Variants in FAM151B observed in about 807,000 individuals in gnomAD.
FAM151B encodes family with sequence similarity 151 member B, also known as protein FAM151B.
FAM151B carries 24 observed loss-of-function variants against 31.2 expected under a neutral mutation model. The ratio of observed to expected loss-of-function variants is 0.77; its 90% confidence interval spans 0.56 to 1.08. FAM151B has a LOEUF of 1.08. Among genes scored for constraint, FAM151B ranks in the 50% least tolerant of loss-of-function variants. The probability of loss-of-function intolerance (pLI) is 0.00; values close to 1 mark genes in which losing one functional copy is unlikely to be tolerated. For synonymous variants in FAM151B, 105 were observed against 111.4 expected (o/e 0.94, Z 0.36); for missense variants, 293 against 328.6 (o/e 0.89, Z 0.84).
At chr5:80,515,302 C>G (rs987975569) in intron 3 of FAM151B, among the ~76,000 whole-genome samples, 1 of 152,054 alleles carries the variant, frequency 6.6e-6, no homozygotes, top group Non-Finnish European at 1.5e-5. Context: ...ATCAATGGTT[C>G]AATTTCATTT....
intron 1 of FAM151B, chr5:80,500,666 C>T (rs537018870): frequency 5.4e-5 from 42 of 772,522 alleles, no homozygotes; most frequent in African/African-American, 1.2e-4. Flanking sequence ...GCAGCTTCTT[C>T]GCCTTCATCA....
Position 80,538,448 on chromosome 5 carries a change from C to CTTTCTTTCTTTCTCTT in FAM151B, c.672-3224_672-3223insTTCTTTCTTTCTCTTT, listed in dbSNP as rs1235874356. Among the ~76,000 whole-genome samples the CTTTCTTTCTTTCTCTT allele has an allele frequency of 4.9e-4, 24 of 49,354 alleles. 1 individual carries two copies. The highest frequency in any genetic ancestry group is 1.3e-3 in the East Asian group (2 of 1,596). The allele number at this position is 49,354 out of a possible 152,430, so 32.4% of individuals were successfully genotyped here. On this transcript the variant is annotated intron_variant, in intron 5 of 5. Transcript: ENST00000282226. Reference sequence around the variant, plus strand: ...TCTTTCTTTCTTTCTTTCTTTCTTTCTCTTTCTTTCTTTCTTTCTTTCTTT... The same window carrying CTTTCTTTCTTTCTCTT: ...TCTTTCTTTCTTTCTTTCTTTCTTTCTTTCTTTCTTTCTCTTTCTTTCTTTCTTTCTTTCTTTCTTT...
chr5:80,503,709 T>C (rs1743836655), intron 2 of FAM151B, among the ~76,000 whole-genome samples: 1 of 152,186 alleles, frequency 6.6e-6, no homozygotes, highest in African/African-American at 2.4e-5. Flanking sequence ...TAATAGTATA[T>C]ACAAAGCCCT....
At chr5:80,527,324 G>A (rs1022411158) in intron 5 of FAM151B, among the ~76,000 whole-genome samples, 1 of 152,088 alleles carries the variant, frequency 6.6e-6, no homozygotes, top group African/African-American at 2.4e-5. Flanking sequence ...TCAGGACGCT[G>A]AGGCAGGAGA....
At chr5:80,507,787 C>T (rs1169168229) in intron 2 of FAM151B, among the ~76,000 whole-genome samples, 1 of 152,220 alleles carries the variant, frequency 6.6e-6, no homozygotes, top group Non-Finnish European at 1.5e-5. Flanking sequence ...TGGCCTGTGT[C>T]TCCAAGTCCA....
intron 5 of FAM151B, among the ~76,000 whole-genome samples, chr5:80,534,036 C>A (rs192850310): frequency 6.6e-6 from 1 of 152,212 alleles, no homozygotes; most frequent in East Asian, 1.9e-4. Context: ...TAGAGTCATA[C>A]AACCAACCAA....
intron 2 of FAM151B, among the ~76,000 whole-genome samples, chr5:80,506,481 T>C (rs1743970425): frequency 1.3e-5 from 2 of 152,194 alleles, no homozygotes; most frequent in Non-Finnish European, 2.9e-5. Context: ...TTTGAGATGA[T>C]AAATCTACTA....
chr5:80,534,427 C>G lies in FAM151B; in HGVS notation c.672-7246C>G, dbSNP rs937455114. ...TTCATCATGACCAAGTGGGATTTAT[C>G]CGAGGGATGAAAGGATGGTTCAACA... On this transcript the variant is annotated intron_variant, in intron 5 of 5. Coordinates refer to ENST00000282226, the MANE Select transcript of FAM151B (RefSeq NM_205548.3). Among the ~76,000 whole-genome samples the G allele has an allele frequency of 2.6e-5, 4 of 152,080 alleles. No homozygotes were observed. In the South Asian group the frequency reaches 8.3e-4, roughly 31 times the overall value.
At chr5:80,510,267 A>C (rs1744132040) in intron 2 of FAM151B, among the ~76,000 whole-genome samples, 1 of 152,038 alleles carries the variant, frequency 6.6e-6, no homozygotes, top group African/African-American at 2.4e-5. Context: ...TTCTAAAATG[A>C]CCTCACTCAT....
intron 1 of FAM151B, among the ~76,000 whole-genome samples, chr5:80,489,952 C>A (rs1306388660): frequency 6.7e-6 from 1 of 150,092 alleles, no homozygotes; most frequent in Non-Finnish European, 1.5e-5. Context: ...AATTTCTTCT[C>A]ATTACCGAGT....
At chr5:80,495,231 T>G (rs542582078) in intron 1 of FAM151B, 1 of 152,248 alleles carries the variant, frequency 6.6e-6, no homozygotes, top group Non-Finnish European at 1.5e-5. Context: ...GCAAAGAGAT[T>G]GATGCTGTTT....
chr5:80,519,858 G>C lies in FAM151B; in HGVS notation c.483G>C (p.Val161=), dbSNP rs1440709929. The C allele has an allele frequency of 6.2e-7, 1 of 1,614,112 alleles. No individual in the cohort carries two copies. The highest frequency in any genetic ancestry group is 1.1e-5 in the South Asian group (1 of 91,080). The part of the protein sequence containing the change: ...LDTVISFFPD[V]TFSLGWTTGW... ...CCGTGATATCCTTCTTTCCAGACGT[G>C]ACGTTTTCCCTGGGTTGGACAACAG... Residue 161 remains valine (V), a synonymous_variant, in exon 4 of 6, where the codon GTG becomes GTC. Coordinates refer to ENST00000282226, the MANE Select transcript of FAM151B (RefSeq NM_205548.3).
intron 5 of FAM151B, among the ~76,000 whole-genome samples, chr5:80,536,863 T>C (rs1045810927): frequency 2.6e-5 from 4 of 151,950 alleles, no homozygotes; most frequent in African/African-American, 4.8e-5. Flanking sequence ...ATTGAACCCA[T>C]AGAGATAGAG....
intron 5 of FAM151B, among the ~76,000 whole-genome samples, chr5:80,535,891 G>A (rs1309848567): frequency 2.0e-5 from 3 of 152,040 alleles, no homozygotes; most frequent in African/African-American, 7.2e-5. Flanking sequence ...CAACTCTACT[G>A]GAAAAAATCT....
chr5:80,491,503 GT>G (rs747099534), intron 1 of FAM151B, among the ~76,000 whole-genome samples: 7 of 152,142 alleles, frequency 4.6e-5, no homozygotes, highest in Non-Finnish European at 8.8e-5. Context: ...AGTTACAGTT[GT>G]GAGCCAGCAT....
At chr5:80,509,201 A>G (rs1744094112) in intron 2 of FAM151B, among the ~76,000 whole-genome samples, 1 of 149,756 alleles carries the variant, frequency 6.7e-6, no homozygotes, top group African/African-American at 2.5e-5. Context: ...CTGGTCTTGA[A>G]CTCCTATGCT....
At chr5:80,500,220 G>A (rs1743694337) in intron 1 of FAM151B, 1 of 532,274 alleles carries the variant, frequency 1.9e-6, no homozygotes. Context: ...AGAAATAGAT[G>A]ACAAAACAAT....
chr5:80,509,705 T>TA (rs1401479249), intron 2 of FAM151B, among the ~76,000 whole-genome samples: 1 of 152,236 alleles, frequency 6.6e-6, no homozygotes, highest in African/African-American at 2.4e-5. Flanking sequence ...TTTCTCTATA[T>TA]GCTGCTGAAA....
In FAM151B at chr5:80,490,019, T is replaced by TAAACACACAC. The variant is rs1554055218; in HGVS notation, c.25+1872_25+1873insAACACACACA. On this transcript the variant is annotated intron_variant, in intron 1 of 5. Transcript: ENST00000282226. ...TCCGTTATATGTCATTTTTCCCCCT[T>TAAACACACAC]ACACACACACACACACACACACACA... Among the ~76,000 whole-genome samples the TAAACACACAC allele has an allele frequency of 5.3e-3, 765 of 144,700 alleles. 5 individuals are homozygous for TAAACACACAC. The highest frequency in any genetic ancestry group is 0.019 in the African/African-American group (742 of 38,942). The allele number at this position is 144,700 out of a possible 152,430, so 94.9% of individuals were successfully genotyped here. A position where few individuals can be genotyped will look rare whatever the true frequency, so the allele number is the denominator to read the frequency against.
Sources: gnomAD v4.1 joint callset for allele counts (sites outside exome capture counted in the v4.1 genomes callset) on GRCh38, gnomAD v4.1.1 for gene constraint, MANE v1.5 for transcripts, NCBI Gene and HGNC (gene_info 2026-07-23, HGNC 2026-07-21) for gene names.